The following PLEKHG4B variants were observed in gnomAD, a reference collection of about 807,000 sequenced individuals.
PLEKHG4B encodes the protein pleckstrin homology and RhoGEF domain containing G4B, also known as pleckstrin homology domain-containing family G member 4B.
In PLEKHG4B, 111 loss-of-function variants were observed where a neutral mutation model predicts 121.3. The ratio of observed to expected loss-of-function variants is 0.92; its 90% CI spans 0.78 to 1.07. The LOEUF is 1.07. Ranked by LOEUF, PLEKHG4B falls within the 50% of genes least tolerant of loss-of-function variation. The probability of loss-of-function intolerance (pLI) is 0.00; values close to 1 mark genes in which losing one functional copy is unlikely to be tolerated. For synonymous variants in PLEKHG4B, 738 were observed against 725.0 expected (o/e 1.02, Z -0.29); for missense variants, 1,831 against 1,757.8 (o/e 1.04, Z -0.74).
intron 6 of PLEKHG4B, among the ~76,000 whole-genome samples, chr5:146,689 A>C (rs1579288384): frequency 1.8e-5 from 1 of 56,850 alleles, no homozygotes; most frequent in Non-Finnish European, 3.3e-5. Flanking sequence ...CCTCCCCCAC[A>C]GTCCTCCCTT....
At chr5:128,870 C>T (rs1264393774) in intron 2 of PLEKHG4B, among the ~76,000 whole-genome samples, 1 of 152,100 alleles carries the variant, frequency 6.6e-6, no homozygotes, top group Non-Finnish European at 1.5e-5. Context: ...CCAAGGAGAT[C>T]CCAAAGAAAC....
chr5:165,905 C>A (rs1466705382), intron 13 of PLEKHG4B, among the ~76,000 whole-genome samples: 277 of 19,022 alleles, frequency 0.015, no homozygotes, highest in African/African-American at 0.048. Context: ...GGGCGGAGCT[C>A]ACACTAATGC....
At position 137,230 on chromosome 5, in the gene PLEKHG4B, G is replaced by A. The variant is rs1735009189; in HGVS notation, c.244-2253G>A. Among the ~76,000 whole-genome samples, 1 of 152,194 alleles carries A rather than the reference G, an allele frequency of 6.6e-6. No homozygotes were observed. The highest frequency in any genetic ancestry group is 6.5e-5 in the Admixed American group (1 of 15,282). ...GTCAAACTCGTCAAGACAGGAAGTGGAATGGTGGGTGCCAGGGGCTCAGGG... is the reference window on the plus strand; with the variant it reads ...GTCAAACTCGTCAAGACAGGAAGTGAAATGGTGGGTGCCAGGGGCTCAGGG... On this transcript the variant is annotated intron_variant, in intron 2 of 19. Transcript: ENST00000637938. This position sits in a 1 kb window ranked among gnomAD's most constrained non-coding sequence, Gnocchi z 4.2.
rs1213061849 is a variant in PLEKHG4B, at chr5:169,429, C to T, written c.3566C>T (p.Pro1189Leu). 6.2e-7 allele frequency: 1 copy of T among 1,614,074 alleles called. No individual in the cohort carries two copies. Among genetic ancestry groups the T allele is most frequent in the Non-Finnish European group, 8.5e-7 (1 of 1,180,046 alleles). The change falls in exon 14 of 20, where the codon CCA becomes CTA. Residue 1189 changes from proline to leucine, a missense_variant. Transcript: ENST00000637938. ...CLGYVIDNYF[P>L]EMERMDLPQG... The stretch of plus-strand genomic sequence containing the variant: ...GGATACGTCATTGACAACTATTTTC[C>T]AGAAATGGAAAGAATGGACTTGCCC...
intron 18 of PLEKHG4B, 77 bp from the exon 19 acceptor site, chr5:181,437 T>G: frequency 2.7e-6 from 4 of 1,475,798 alleles, no homozygotes; most frequent in Non-Finnish European, 3.7e-6. Context: ...CTGAGGGCAT[T>G]AGGGGTACCG....
rs1437831488 is a variant in PLEKHG4B, at chr5:92,221, C to T, written c.-11C>T. On this transcript the variant is annotated 5_prime_UTR_variant, in exon 1 of 20. Coordinates refer to ENST00000637938, the MANE Select transcript of PLEKHG4B (RefSeq NM_052909.5). ...GGGAAAGCGTCGGAGTTCGGGAGAC[C>T]AGGGTCCAGCATGGGTTTCAGCACA... is the stretch of plus-strand genomic sequence containing the variant. 37 of 369,254 alleles carry T rather than the reference C, an allele frequency of 1.0e-4. No homozygotes were observed. The highest frequency in any genetic ancestry group is 1.5e-4 in the Non-Finnish European group (31 of 210,034). The allele number at this position is 369,254 out of a possible 1,614,324, so 22.9% of individuals were successfully genotyped here. A position where few individuals can be genotyped will look rare whatever the true frequency, so the allele number is the denominator to read the frequency against.
rs187649671 is a variant in PLEKHG4B at position 138,632 on chromosome 5, C to G, written c.244-851C>G. The stretch of plus-strand genomic sequence containing the variant: ...TAGTAAAGCTGAGCTGAGAATGGGC[C>G]TCGTGCTTGAGAAAAGGCACCAACA... On this transcript the variant is annotated intron_variant, in intron 2 of 19. Transcript: ENST00000637938. 2.6e-5 allele frequency among the ~76,000 whole-genome samples: 4 copies of G among 152,310 alleles called. No homozygotes were observed. The East Asian group carries it at 7.7e-4, about 29-fold the overall frequency.
chr5:96,048 C>T (rs1421772552), intron 1 of PLEKHG4B, among the ~76,000 whole-genome samples: 2 of 152,206 alleles, frequency 1.3e-5, no homozygotes, highest in Non-Finnish European at 2.9e-5. Flanking sequence ...TTTCTGAAAG[C>T]TCTTGATCCC....
chr5:106,012 A>G (rs560548281), intron 1 of PLEKHG4B, among the ~76,000 whole-genome samples: 25 of 152,306 alleles, frequency 1.6e-4, no homozygotes, highest in Non-Finnish European at 2.4e-4. Flanking sequence ...AATTAAGACT[A>G]TAGGAAATTT....
At chr5:105,196 T>TTC (rs1733940587) in intron 1 of PLEKHG4B, among the ~76,000 whole-genome samples, 1 of 152,266 alleles carries the variant, frequency 6.6e-6, no homozygotes, top group Non-Finnish European at 1.5e-5. Flanking sequence ...CTGTTCTGGG[T>TTC]TCTCATGCTC....
intron 1 of PLEKHG4B, among the ~76,000 whole-genome samples, chr5:100,129 T>C (rs1434021315): frequency 1.3e-5 from 2 of 152,176 alleles, no homozygotes; most frequent in Admixed American, 6.5e-5. Flanking sequence ...TTTACTAGTG[T>C]TTTGTGGAAG....
At chr5:99,731 T>A (rs1477522480) in intron 1 of PLEKHG4B, among the ~76,000 whole-genome samples, 1 of 152,218 alleles carries the variant, frequency 6.6e-6, no homozygotes, top group Non-Finnish European at 1.5e-5. Context: ...CTTTTTCTTG[T>A]TTGGTTACTC....
At chr5:110,777 C>T (rs1406963319) in intron 1 of PLEKHG4B, among the ~76,000 whole-genome samples, 3 of 152,266 alleles carry the variant, frequency 2.0e-5, no homozygotes, top group East Asian at 3.8e-4. Flanking sequence ...ATCTGCAACA[C>T]GTGCACACAC....
At position 162,755 on chromosome 5, in the gene PLEKHG4B, G is replaced by C; in HGVS notation, c.2683G>C (p.Ala895Pro). The change falls in exon 13 of 20, where the codon GCT becomes CCT. Residue 895 changes from alanine (A) to proline (P), a missense_variant. Physicochemically the swap from Ala to Pro is conservative, Grantham distance 27 (BLOSUM62 -1). Coordinates refer to ENST00000637938, the MANE Select transcript of PLEKHG4B (RefSeq NM_052909.5). ...SSWMGPLDPE[A>P]CPSSPVAECL... ...CTGGATGGGGCCCCTGGACCCGGAG[G>C]CTTGTCCCTCCTCACCCGTGGCTGA... 6.8e-7 allele frequency: 1 copy of C among 1,467,108 alleles called. No homozygotes were observed. Among genetic ancestry groups the C allele is most frequent in the South Asian group, 1.5e-5 (1 of 68,672 alleles). The allele number at this position is 1,467,108 out of a possible 1,614,324, so 90.9% of individuals were successfully genotyped here.
At chr5:105,996 T>G (rs1274283488) in intron 1 of PLEKHG4B, among the ~76,000 whole-genome samples, 2 of 152,194 alleles carry the variant, frequency 1.3e-5, no homozygotes, top group East Asian at 3.8e-4. Flanking sequence ...AAGTTAGATT[T>G]GGTATAATTA....
In PLEKHG4B at chr5:134,117, ATATATG is replaced by A. The variant is rs1240277971; in HGVS notation, c.244-5364_244-5359del. ...TATATATATATATATATATATATAT[ATATATG>A]TGATGGAATACTACTCAGCCATAAA... On this transcript the variant is annotated intron_variant, in intron 2 of 19. Transcript: ENST00000637938. 9.5e-5 allele frequency among the ~76,000 whole-genome samples: 11 copies of A among 115,340 alleles called. 1 individual carries two copies. In the South Asian group the frequency reaches 1.6e-3, roughly 17 times the overall value. 75.7% of individuals were successfully genotyped at this position (115,340 alleles called of 152,430 possible). A position where few individuals can be genotyped will look rare whatever the true frequency, so the allele number is the denominator to read the frequency against.
chr5:169,302 G>T, intron 13 of PLEKHG4B, 38 bp from the exon 14 acceptor site: 2 of 1,610,144 alleles, frequency 1.2e-6, no homozygotes, highest in Non-Finnish European at 1.7e-6. Flanking sequence ...AGTGTCCGTG[G>T]GGGGCCGTGT....
At chr5:158,577 A>T in intron 11 of PLEKHG4B, among the ~76,000 whole-genome samples, 1 of 67,272 alleles carries the variant, frequency 1.5e-5, no homozygotes, top group Admixed American at 2.0e-4. Flanking sequence ...CCGTCCTGGG[A>T]GTCTCCTTCA....
Position 182,170 on chromosome 5 carries a change from G to C in PLEKHG4B, c.4731G>C (p.Pro1577=). 6.2e-7 allele frequency: 1 copy of C among 1,613,960 alleles called. No homozygotes were observed. Among genetic ancestry groups the C allele is most frequent in the Non-Finnish European group, 8.5e-7 (1 of 1,180,038 alleles). Residue 1577 remains proline, a synonymous_variant, in exon 20 of 20, where the codon CCG becomes CCC. Coordinates refer to ENST00000637938, the MANE Select transcript of PLEKHG4B (RefSeq NM_052909.5). ...TTGTGTCCTCCAGCCCAGCCCACCC[G>C]GGCCTATGGAGCCCTGCCCACAGCC... The part of the protein sequence containing the change: ...GLLVSSSPAH[P]GLWSPAHSPW...
Sources: allele counts gnomAD v4.1 joint callset (sites outside exome capture counted in the v4.1 genomes callset), GRCh38; gene constraint gnomAD v4.1.1; non-coding constraint Gnocchi (gnomAD v3.1); transcripts MANE v1.5; gene names NCBI Gene and HGNC (gene_info 2026-07-23, HGNC 2026-07-21).